Variants in SAMMSON observed in about 807,000 individuals in gnomAD.
SAMMSON encodes long intergenic non-protein coding RNA 1212.
upstream of SAMMSON, chr3:69,999,716 C>T (rs573317263): frequency 6.6e-6 from 1 of 152,440 alleles, no homozygotes; most frequent in African/African-American, 2.4e-5. Flanking sequence ...TAAAAACCGC[C>T]CCCCGCAGGC....
intron 4 of SAMMSON, among the ~76,000 whole-genome samples, chr3:70,143,305 A>G (rs1219642991): frequency 6.6e-6 from 1 of 152,128 alleles, no homozygotes; most frequent in Non-Finnish European, 1.5e-5. Context: ...TAGTAAAAAA[A>G]AAAAAAAATA....
chr3:70,032,602 T>C (rs1042885348), intron 3 of SAMMSON, among the ~76,000 whole-genome samples: 7 of 152,220 alleles, frequency 4.6e-5, no homozygotes, highest in African/African-American at 1.7e-4. Context: ...TATTAATGAG[T>C]TGATATCCTT....
At chr3:70,345,689 C>T (rs1435392794) in intron 7 of SAMMSON, among the ~76,000 whole-genome samples, 5 of 152,172 alleles carry the variant, frequency 3.3e-5, no homozygotes, top group African/African-American at 7.2e-5. Context: ...AATCGGTTTA[C>T]CATTTCCATT....
intron 4 of SAMMSON, among the ~76,000 whole-genome samples, chr3:70,183,131 A>G (rs1048676432): frequency 5.3e-5 from 8 of 152,114 alleles, no homozygotes; most frequent in African/African-American, 1.4e-4. Context: ...GAACTTTCTC[A>G]TTTTTTCTTC....
intron 4 of SAMMSON, among the ~76,000 whole-genome samples, chr3:70,134,474 A>G (rs1289800967): frequency 6.6e-6 from 1 of 152,082 alleles, no homozygotes; most frequent in Non-Finnish European, 1.5e-5. Context: ...GCAATGATAC[A>G]ATATTTGCCA....
At chr3:70,262,998 T>C (rs1306767808) in intron 6 of SAMMSON, among the ~76,000 whole-genome samples, 2 of 152,226 alleles carry the variant, frequency 1.3e-5, no homozygotes, top group Non-Finnish European at 2.9e-5. Context: ...AGGGAAATTT[T>C]AATTTTAGGT....
intron 6 of SAMMSON, among the ~76,000 whole-genome samples, chr3:70,261,597 T>C (rs1211981366): frequency 6.6e-6 from 1 of 152,186 alleles, no homozygotes; most frequent in East Asian, 1.9e-4. Flanking sequence ...TTCCCTGACA[T>C]CCCTGCCTGA....
chr3:70,095,471 CA>C (rs2067319850), intron 4 of SAMMSON, among the ~76,000 whole-genome samples: 1 of 152,204 alleles, frequency 6.6e-6, no homozygotes, highest in Non-Finnish European at 1.5e-5. Context: ...TGCTCCATCT[CA>C]AATCCTTTAT....
intron 7 of SAMMSON, among the ~76,000 whole-genome samples, chr3:70,343,232 T>C (rs1012843138): frequency 6.6e-6 from 1 of 152,162 alleles, no homozygotes; most frequent in Non-Finnish European, 1.5e-5. Flanking sequence ...TAATGGTATA[T>C]TTTTATTAAA....
intron 4 of SAMMSON, chr3:70,137,680 A>G (rs2067511493): frequency 6.6e-6 from 1 of 152,228 alleles, no homozygotes. Flanking sequence ...AAGTTTTCTA[A>G]TGGCCACAGT....
Position 70,058,578 on chromosome 3 carries a change from AGTAAGAATTTT to A in SAMMSON, n.418-12895_418-12885del, listed in dbSNP as rs570987211. Among the ~76,000 whole-genome samples the A allele has an allele frequency of 6.4e-4, 97 of 152,192 alleles. 2 individuals carry two copies. Among genetic ancestry groups the A allele is most frequent in the South Asian group, 3.7e-3 (18 of 4,824 alleles). The stretch of plus-strand genomic sequence containing the variant: ...CTTTGTAGCCACAGTACTGAGGAGA[AGTAAGAATTTT>A]GTTTAGATGGATGTTGGGCAATTGA... On this transcript the variant is annotated intron_variant and non_coding_transcript_variant, in intron 3 of 9. Coordinates refer to ENST00000642114, the Ensembl canonical transcript of SAMMSON.
chr3:70,294,130 G>A (rs1702267036), intron 7 of SAMMSON, among the ~76,000 whole-genome samples: 1 of 152,130 alleles, frequency 6.6e-6, no homozygotes. Context: ...TTTTAGAAAT[G>A]TCAGTTGTTC....
rs187382697 is a variant in SAMMSON, at chr3:70,169,200, A to G, written n.508-79907A>G. Among the ~76,000 whole-genome samples, 12 of 152,198 alleles carry G rather than the reference A, an allele frequency of 7.9e-5. No homozygotes were observed. In the East Asian group the frequency reaches 2.3e-3, roughly 29 times the overall value. ...GTTTTGCTTATATTGCTACCTATGA[A>G]TAATCTTTCAAAGCAAAAGTGCTTC... On this transcript the variant is annotated intron_variant and non_coding_transcript_variant, in intron 4 of 9. Transcript: ENST00000642114.
chr3:70,075,268 G>A (rs893931735), intron 4 of SAMMSON: 2 of 151,988 alleles, frequency 1.3e-5, no homozygotes, highest in East Asian at 3.9e-4. Flanking sequence ...CTGAGCAGTC[G>A]GCATGTAGGT....
At chr3:70,058,691 C>T (rs2067176659) in intron 3 of SAMMSON, among the ~76,000 whole-genome samples, 1 of 152,028 alleles carries the variant, frequency 6.6e-6, no homozygotes, top group South Asian at 2.1e-4. Flanking sequence ...GTCCAAAGTT[C>T]TTTTATAATT....
intron 4 of SAMMSON, among the ~76,000 whole-genome samples, chr3:70,094,145 C>A (rs2067315007): frequency 6.6e-6 from 1 of 152,086 alleles, no homozygotes. Flanking sequence ...TCTCCTCTCA[C>A]CTTCCCTTGC....
At chr3:70,423,048 TG>T (rs1357382544) in intron 2 of SAMMSON, among the ~76,000 whole-genome samples, 2 of 151,852 alleles carry the variant, frequency 1.3e-5, no homozygotes, top group African/African-American at 4.8e-5. Context: ...TATCATTACA[TG>T]AAAAAAACAA....
chr3:70,203,458 T>A (rs998738406), intron 4 of SAMMSON, among the ~76,000 whole-genome samples: 9 of 152,178 alleles, frequency 5.9e-5, no homozygotes, highest in African/African-American at 2.2e-4. Context: ...TACTTAAATA[T>A]GTCAAGATCT....
chr3:70,288,752 G>A (rs544370128), intron 6 of SAMMSON, among the ~76,000 whole-genome samples: 2 of 151,778 alleles, frequency 1.3e-5, no homozygotes, highest in Admixed American at 6.6e-5. Context: ...CCTGTGTTGG[G>A]TGCATATATA....
Sources: allele counts gnomAD v4.1 joint callset (sites outside exome capture counted in the v4.1 genomes callset), GRCh38; gene constraint gnomAD v4.1.1; transcripts MANE v1.5; gene names NCBI Gene and HGNC (gene_info 2026-07-23, HGNC 2026-07-21).